Variants in MYH4 observed in about 807,000 individuals in gnomAD.
MYH4 encodes the protein myosin-4.
Under a neutral mutation model 229.9 loss-of-function variants are expected in MYH4, and 200 were observed. That is an observed-to-expected ratio of 0.87 (90% CI 0.78 to 0.98). The LOEUF (loss-of-function observed/expected upper bound fraction) is 0.98, where lower values mean the gene tolerates loss of function less well. MYH4 is among the 50% of genes least tolerant of loss of function. The pLI is 0.00. For missense variants in MYH4, 2,148 were observed against 2,332.6 expected (o/e 0.92, Z 1.63); for synonymous variants, 761 against 834.6 (o/e 0.91, Z 1.52).
chr17:10,450,937 G>A, intron 28 of MYH4, 42 bp from the exon 29 acceptor site: 1 of 1,458,412 alleles, frequency 6.9e-7, no homozygotes, highest in Non-Finnish European at 9.6e-7. Flanking sequence ...CTGTTGTCTA[G>A]GTAAACAATA....
rs138202203 is a variant in MYH4, at chr17:10,453,872, A to G, written c.2705T>C (p.Leu902Ser). 6.4e-5 allele frequency: 104 copies of G among 1,614,164 alleles called. 1 individual carries two copies. In the African/African-American group the frequency reaches 1.0e-3, roughly 16 times the overall value. Residue 902 changes from leucine (L) to serine (S), a missense_variant, in exon 23 of 40, where the codon TTG (leucine) becomes TCG (serine). By Grantham distance (145) the Leu-to-Ser change is moderately radical (BLOSUM62 -2). Coordinates refer to ENST00000255381, the MANE Select transcript of MYH4 (RefSeq NM_017533.2). ...ATCACATCTTTCCTCTGCATCAGCC[A>G]AGGCATCTGCTTCCTAAAGGGAGAA... ...QLQVQAEADA[L>S]ADAEERCDQL...
At chr17:10,450,414 T>A in intron 30 of MYH4, 39 bp downstream of exon 30, 1 of 1,613,770 alleles carries the variant, frequency 6.2e-7, no homozygotes, top group Non-Finnish European at 8.5e-7. Flanking sequence ...CTGCCTTTAC[T>A]TTTATTTCTT....
In MYH4 at chr17:10,452,400, G is replaced by A; in HGVS notation, c.3348+16C>T. On this transcript the variant is annotated intron_variant, in intron 26 of 39. Coordinates refer to ENST00000255381, the MANE Select transcript of MYH4 (RefSeq NM_017533.2). ...GTTTCCTGTAATGCCCAGAAAAGGT[G>A]GAGGTTATAACTTACCTGTAATTCT... The A allele has an allele frequency of 6.2e-7, 1 of 1,614,144 alleles. No individual in the cohort carries two copies. Among genetic ancestry groups the A allele is most frequent in the Non-Finnish European group, 8.5e-7 (1 of 1,180,012 alleles).
chr17:10,448,220 T>A, intron 33 of MYH4, 94 bp from the exon 34 acceptor site: 1 of 1,346,786 alleles, frequency 7.4e-7, no homozygotes, highest in Non-Finnish European at 1.0e-6. Context: ...AAAAAACCCA[T>A]AAACTATCAT....
rs544513583 is a variant in MYH4 at position 10,452,175 on chromosome 17, G to A, written c.3504C>T (p.Asn1168=). 6 of 1,613,836 alleles carry A rather than the reference G, an allele frequency of 3.7e-6. No homozygotes were observed. Among genetic ancestry groups the A allele is most frequent in the Non-Finnish European group, 5.1e-6 (6 of 1,180,028 alleles). Residue 1168 remains asparagine, a synonymous_variant, in exon 27 of 40, where the codon AAC becomes AAT. Transcript: ENST00000255381. Reference sequence around the variant, plus strand: ...TCTGGAACTCAGCCTCCCGCTTCTTGTTCATCTCAATCTGGGCTGAAGTGG... The same window carrying A: ...TCTGGAACTCAGCCTCCCGCTTCTTATTCATCTCAATCTGGGCTGAAGTGG... ...GGATSAQIEM[N]KKREAEFQKM...
chr17:10,461,026 G>A lies in MYH4; in HGVS notation c.1037C>T (p.Ala346Val). 6.2e-6 allele frequency: 10 copies of A among 1,614,010 alleles called. No individual in the cohort carries two copies. Among genetic ancestry groups the A allele is most frequent in the Non-Finnish European group, 8.5e-6 (10 of 1,179,974 alleles). Residue 346 changes from alanine to valine, a missense_variant, in exon 12 of 40, where the codon GCT becomes GTT. By Grantham distance (64) the Ala-to-Val change is moderately conservative (BLOSUM62 0). Coordinates refer to ENST00000255381, the MANE Select transcript of MYH4 (RefSeq NM_017533.2). ...CTTGTAAATGGCCACCTTTTCATCA[G>A]CAGTGAAACCCAGGATGTCCACAGC... The part of the protein sequence containing the change: ...DSAVDILGFT[A>V]DEKVAIYKLT...
chr17:10,467,337 G>T (rs1021026151), intron 2 of MYH4, among the ~76,000 whole-genome samples: 2 of 152,124 alleles, frequency 1.3e-5, no homozygotes, highest in East Asian at 1.9e-4. Context: ...CCGGACATAA[G>T]TCCAGATCTA....
In MYH4 at chr17:10,448,063, A is replaced by T. The variant is rs1405664053; in HGVS notation, c.4720T>A (p.Ser1574Thr). 6.2e-7 allele frequency: 1 copy of T among 1,614,028 alleles called. No homozygotes were observed. The change falls in exon 34 of 40, where the codon TCT (serine) becomes ACT (threonine). Residue 1574 changes from serine to threonine, a missense_variant. Coordinates refer to ENST00000255381, the MANE Select transcript of MYH4 (RefSeq NM_017533.2). The stretch of plus-strand genomic sequence containing the variant: ...TCAGCAATTTTTCGGTCAATCTCAG[A>T]TTTCACCTGATTTAGCTCAAGTTGA... Reference protein sequence around the residue: ...RIQLELNQVKSEIDRKIAEKD... With the variant: ...RIQLELNQVKTEIDRKIAEKD...
At position 10,453,652 on chromosome 17, in the gene MYH4, T is replaced by C. The variant is rs1187461305; in HGVS notation, c.2925A>G (p.Thr975=). The C allele has an allele frequency of 1.9e-6, 3 of 1,614,058 alleles. No individual in the cohort carries two copies. Among genetic ancestry groups the C allele is most frequent in the Admixed American group, 3.3e-5 (2 of 60,004 alleles). ...GGATCATGATTTGTACCTTGTTCTC[T>C]GTGGCATGTTTCTCCTTCTCAACCT... ...LAKVEKEKHA[T]ENKVKNLTEE... is the part of the protein sequence containing the mutation. Residue 975 remains threonine, a synonymous_variant, in exon 23 of 40, where the codon ACA becomes ACG. Coordinates refer to ENST00000255381, the MANE Select transcript of MYH4 (RefSeq NM_017533.2).
chr17:10,469,375 T>C (rs866177729), intron 1 of MYH4, 39 bp from the exon 2 acceptor site: 11 of 152,336 alleles, frequency 7.2e-5, no homozygotes, highest in South Asian at 2.1e-4. Context: ...TGCTTTTTTT[T>C]CCCCATTTAA....
chr17:10,448,482 C>A lies in MYH4; in HGVS notation c.4570G>T (p.Gly1524Ter). The A allele has an allele frequency of 6.2e-7, 1 of 1,613,990 alleles. No individual in the cohort carries two copies. Among genetic ancestry groups the A allele is most frequent in the Admixed American group, 1.7e-5 (1 of 60,006 alleles). ...SDLTEQIAEGGKHIHELEKVK... is the reference protein window; with the variant it reads ...SDLTEQIAEG ...TTCTCCAGTTCATGGATATGCTTTCCACCCTCTGCAATTTGCTCTGTCAGG... is the reference window on the plus strand; with the variant it reads ...TTCTCCAGTTCATGGATATGCTTTCAACCCTCTGCAATTTGCTCTGTCAGG... Residue 1524 changes from glycine (G) to a stop codon, truncating the protein, a stop_gained, in exon 33 of 40, where the codon GGA becomes TGA. Transcript: ENST00000255381. LOFTEE classifies it high-confidence loss of function.
intron 3 of MYH4, 41 bp from the exon 4 acceptor site, chr17:10,466,457 G>A (rs1256608012): frequency 6.2e-7 from 1 of 1,612,300 alleles, no homozygotes; most frequent in East Asian, 2.2e-5. Flanking sequence ...CAAATAAGTA[G>A]CAGAAAAAGC....
chr17:10,469,077 T>C (rs1356699155), intron 2 of MYH4, among the ~76,000 whole-genome samples: 1 of 141,266 alleles, frequency 7.1e-6, no homozygotes, highest in Non-Finnish European at 1.5e-5. Context: ...CTTTCTGTAG[T>C]TCTAACAACA....
chr17:10,450,121 G>A (rs996046784), intron 30 of MYH4, among the ~76,000 whole-genome samples: 1 of 152,126 alleles, frequency 6.6e-6, no homozygotes, highest in Non-Finnish European at 1.5e-5. Flanking sequence ...ATTTACCAGA[G>A]AGTCTCAATG....
At position 10,452,245 on chromosome 17, in the gene MYH4, C is replaced by T. The variant is rs534689609; in HGVS notation, c.3434G>A (p.Arg1145Gln). Reference sequence around the variant, plus strand: ...CCTCTCACTGATCTCCTCCAGCTCCCGGGAGAGGTCAGAGCGCTGCTTCTC... The same window carrying T: ...CCTCTCACTGATCTCCTCCAGCTCCTGGGAGAGGTCAGAGCGCTGCTTCTC... ...KAEKQRSDLS[R>Q]ELEEISERLE... Residue 1145 changes from arginine (R) to glutamine (Q), a missense_variant, in exon 27 of 40, where the codon CGG (arginine) becomes CAG (glutamine). Arg to Gln is a conservative substitution (Grantham distance 43, BLOSUM62 1). Transcript: ENST00000255381. The T allele has an allele frequency of 5.3e-5, 85 of 1,613,944 alleles. No homozygotes were observed. In the South Asian group the frequency reaches 6.6e-4, roughly 13 times the overall value.
chr17:10,455,648 G>A lies in MYH4; in HGVS notation c.2140C>T (p.Pro714Ser). 3 of 1,614,006 alleles carry A rather than the reference G, an allele frequency of 1.9e-6. No homozygotes were observed. The highest frequency in any genetic ancestry group is 2.5e-6 in the Non-Finnish European group (3 of 1,179,928). The change falls in exon 19 of 40, where the codon CCA (proline) becomes TCA (serine). Residue 714 changes from proline to serine, a missense_variant. By Grantham distance (74) the Pro-to-Ser change is moderately conservative (BLOSUM62 -1). Transcript: ENST00000255381. ...EGIRICRKGF[P>S]SRILYADFKQ... is the part of the protein sequence containing the mutation. ...AAGTCTGCATAAAGGATTCTGCTTG[G>A]GAAGCCTTTCCTGCAGATGCGGATG...
In MYH4 at chr17:10,448,893, G is replaced by C; in HGVS notation, c.4336C>G (p.Leu1446Val). The C allele has an allele frequency of 6.2e-7, 1 of 1,614,156 alleles. No homozygotes were observed. Among genetic ancestry groups the C allele is most frequent in the Non-Finnish European group, 8.5e-7 (1 of 1,180,020 alleles). ...VERSNAACIA[L>V]DKKQRNFDKV... ...TCAAAGTTTCTTTGCTTCTTATCGA[G>C]AGCTATGCAGGCAGCATTAGATCGT... Residue 1446 changes from leucine to valine, a missense_variant, in exon 31 of 40, where the codon CTC becomes GTC. Coordinates refer to ENST00000255381, the MANE Select transcript of MYH4 (RefSeq NM_017533.2).
At position 10,466,711 on chromosome 17, in the gene MYH4, T is replaced by G. The variant is rs747948486; in HGVS notation, c.35A>C (p.Glu12Ala). 4.3e-6 allele frequency: 7 copies of G among 1,614,030 alleles called. No homozygotes were observed. The highest frequency in any genetic ancestry group is 5.9e-6 in the Non-Finnish European group (7 of 1,180,034). Residue 12 changes from glutamate (E) to alanine (A), a missense_variant, in exon 3 of 40, where the codon GAG becomes GCG. Transcript: ENST00000255381. Reference protein sequence around the residue: ...SSDSEMAIFGEAAPFLRKSEK... With the variant: ...SSDSEMAIFGAAAPFLRKSEK... ...AGACTTTCGGAGGAAAGGAGCAGCC[T>G]CCCCAAAAATGGCCATCTCAGAGTC...
Position 10,465,484 on chromosome 17 carries a change from T to C in MYH4, c.463A>G (p.Ile155Val). 2 of 1,614,076 alleles carry C rather than the reference T, an allele frequency of 1.2e-6. No individual in the cohort carries two copies. Among genetic ancestry groups the C allele is most frequent in the Non-Finnish European group, 1.7e-6 (2 of 1,180,020 alleles). Residue 155 changes from isoleucine to valine, a missense_variant, in exon 5 of 40, where the codon ATC becomes GTC. Ile to Val is a conservative substitution (Grantham distance 29). Coordinates refer to ENST00000255381, the MANE Select transcript of MYH4 (RefSeq NM_017533.2). ...GKKRQEAPPH[I>V]FSISDNAYQF... ...TAGGCATTGTCAGAGATGGAGAAGA[T>C]ATGGGGTGGGGCCTCCTGGCGCTTT...
Sources: allele counts gnomAD v4.1 joint callset (sites outside exome capture counted in the v4.1 genomes callset), GRCh38; gene constraint gnomAD v4.1.1; transcripts MANE v1.5; gene names NCBI Gene and HGNC (gene_info 2026-07-23, HGNC 2026-07-21).